PRKAA1: variants seen among roughly 807,000 people sequenced by gnomAD.
The protein encoded by PRKAA1 is protein kinase AMP-activated catalytic subunit alpha 1, also known as 5'-AMP-activated protein kinase catalytic subunit alpha-1.
Under a neutral mutation model 56.9 loss-of-function variants are expected in PRKAA1, and 23 were observed. The ratio of observed to expected loss-of-function variants is 0.40; its 90% CI spans 0.29 to 0.57. The LOEUF is 0.57. Among genes scored for constraint, PRKAA1 ranks in the 20% least tolerant of loss-of-function variants. The pLI is 0.39. For synonymous variants in PRKAA1, 226 were observed against 227.0 expected (o/e 1.00, Z 0.04); for missense variants, 413 against 679.7 (o/e 0.61, Z 4.36).
intron 1 of PRKAA1, among the ~76,000 whole-genome samples, chr5:40,794,005 G>T (rs1409587029): frequency 6.6e-6 from 1 of 152,070 alleles, no homozygotes; most frequent in African/African-American, 2.4e-5. Context: ...GGGAAGTTGA[G>T]GCAGAAGAAT....
intron 1 of PRKAA1, among the ~76,000 whole-genome samples, chr5:40,784,868 G>A (rs999032282): frequency 1.1e-4 from 17 of 152,252 alleles, no homozygotes; most frequent in Admixed American, 1.1e-3. Flanking sequence ...GACTCTTAAA[G>A]TTATGCTTTT....
chr5:40,766,452 T>G (rs1415436690), intron 6 of PRKAA1, among the ~76,000 whole-genome samples: 1 of 152,180 alleles, frequency 6.6e-6, no homozygotes, highest in Non-Finnish European at 1.5e-5. Context: ...TCATCAGAAA[T>G]GGCTCACTCT....
At chr5:40,765,507 A>G (rs1743387106) in intron 6 of PRKAA1, among the ~76,000 whole-genome samples, 1 of 152,178 alleles carries the variant, frequency 6.6e-6, no homozygotes. Flanking sequence ...ACAGCGACAA[A>G]CAATGAAAAG....
intron 1 of PRKAA1, among the ~76,000 whole-genome samples, chr5:40,778,066 C>G (rs773350511): frequency 6.6e-6 from 1 of 151,796 alleles, no homozygotes; most frequent in African/African-American, 2.4e-5. Context: ...AAGAGCAAAA[C>G]TCTGTCTCAA....
At chr5:40,776,176 T>C (rs1020287637) in intron 2 of PRKAA1, among the ~76,000 whole-genome samples, 5 of 152,322 alleles carry the variant, frequency 3.3e-5, no homozygotes, top group Admixed American at 2.6e-4. Context: ...TGAGACCAGG[T>C]TGACAGCAAT....
rs750590564 is a variant in PRKAA1, at chr5:40,770,595, CTTTTTT to C, written c.509-1098_509-1093del. ...ATAGGAAATACAGAAAAAATAAATT[CTTTTTT>C]TTTTTTTTTTTTTTTGAGACCGTGT... On this transcript the variant is annotated intron_variant, in intron 4 of 8. Transcript: ENST00000397128. 3.9e-3 allele frequency among the ~76,000 whole-genome samples: 432 copies of C among 111,874 alleles called. 1 individual carries two copies. The highest frequency in any genetic ancestry group is 0.013 in the African/African-American group (415 of 32,170). The allele number at this position is 111,874 out of a possible 152,430, so 73.4% of individuals were successfully genotyped here.
chr5:40,764,571 G>A lies in PRKAA1; in HGVS notation c.1378C>T (p.Leu460=), dbSNP rs1193269441. The A allele has an allele frequency of 6.2e-7, 1 of 1,613,136 alleles. No individual in the cohort carries two copies. Among genetic ancestry groups the A allele is most frequent in the Non-Finnish European group, 8.5e-7 (1 of 1,179,470 alleles). ...CTACTATCCACTTGGTATAACTGTA[G>A]ACTCATTTTGGAGTAAGTGCTTGTC... The part of the protein sequence containing the change: ...PVTSTYSKMS[L]QLYQVDSRTY... Residue 460 remains leucine (L), a synonymous_variant, in exon 8 of 9, where the codon CTA becomes TTA. Coordinates refer to ENST00000397128, the MANE Select transcript of PRKAA1 (RefSeq NM_006251.6).
chr5:40,775,097 G>T, intron 3 of PRKAA1: 1 of 792,754 alleles, frequency 1.3e-6, no homozygotes, highest in Non-Finnish European at 2.0e-6. Context: ...CAAAGTATTT[G>T]TATACCCTGG....
At position 40,767,454 on chromosome 5, in the gene PRKAA1, CT is replaced by C; in HGVS notation, c.821+11del. 1 of 1,590,736 alleles carries C rather than the reference CT, an allele frequency of 6.3e-7. No individual in the cohort carries two copies. ...ACTATCAGATCTGATAACTTCCAAA[CT>C]GCTTTATTACCTGATATCTTTGATT... On this transcript the variant is annotated intron_variant, in intron 6 of 8. Transcript: ENST00000397128.
At chr5:40,773,607 T>TA (rs1398133308) in intron 3 of PRKAA1, among the ~76,000 whole-genome samples, 3 of 152,136 alleles carry the variant, frequency 2.0e-5, no homozygotes, top group Non-Finnish European at 2.9e-5. Context: ...TGACAATAGA[T>TA]AAACAGTAAT....
Position 40,775,424 on chromosome 5 carries a change from A to C in PRKAA1, c.349T>G (p.Cys117Gly). 1.3e-6 allele frequency: 2 copies of C among 1,597,090 alleles called. No individual in the cohort carries two copies. The highest frequency in any genetic ancestry group is 1.7e-6 in the Non-Finnish European group (2 of 1,164,622). Residue 117 changes from cysteine to glycine, a missense_variant, in exon 3 of 9, where the codon TGT becomes GGT. By Grantham distance (159) the Cys-to-Gly change is radical. Transcript: ENST00000397128. ...GAACAGCTTACCCTTCCATTCTTAC[A>C]GATATAATCAAATAGCTCTCCTCCT... is the stretch of plus-strand genomic sequence containing the variant. ...VSGGELFDYI[C>G]KNGRLDEKES...
At chr5:40,776,056 T>G (rs1281508045) in intron 2 of PRKAA1, among the ~76,000 whole-genome samples, 3 of 152,238 alleles carry the variant, frequency 2.0e-5, no homozygotes, top group African/African-American at 7.2e-5. Context: ...AGCAGTCATG[T>G]GATCTGGCAT....
rs772627284 is a variant in PRKAA1, at chr5:40,765,108, C to T, written c.952G>A (p.Val318Ile). 3.7e-6 allele frequency: 6 copies of T among 1,614,206 alleles called. No homozygotes were observed. Among genetic ancestry groups the T allele is most frequent in the Non-Finnish European group, 5.1e-6 (6 of 1,180,032 alleles). The change falls in exon 7 of 9, where the codon GTT becomes ATT. Residue 318 changes from valine to isoleucine, a missense_variant. Val to Ile is a conservative substitution (Grantham distance 29). Transcript: ENST00000397128. ...CEKFECSEEE[V>I]LSCLYNRNHQ... is the part of the protein sequence containing the mutation. ...TTTCTGTTGTAAAGACAGCTGAGAA[C>T]TTCCTCTTCTGAGCACTCAAACTTT...
intron 1 of PRKAA1, among the ~76,000 whole-genome samples, chr5:40,785,595 A>G (rs1744433977): frequency 6.6e-6 from 1 of 152,104 alleles, no homozygotes; most frequent in Admixed American, 6.6e-5. Flanking sequence ...TTACTCAAAA[A>G]CTAAGAAAGA....
intron 1 of PRKAA1, among the ~76,000 whole-genome samples, chr5:40,793,062 C>A: frequency 1.4e-5 from 2 of 144,480 alleles, no homozygotes; most frequent in African/African-American, 2.6e-5. Flanking sequence ...AGTGGAACTC[C>A]ATCTCAAAAA....
At chr5:40,790,241 T>G (rs1257473677) in intron 1 of PRKAA1, 2 of 152,230 alleles carry the variant, frequency 1.3e-5, no homozygotes, top group Non-Finnish European at 2.9e-5. Flanking sequence ...CCATTAAAAT[T>G]AACAAGTTAA....
chr5:40,778,832 G>A (rs542383073), intron 1 of PRKAA1, among the ~76,000 whole-genome samples: 2 of 143,126 alleles, frequency 1.4e-5, no homozygotes, highest in Non-Finnish European at 3.0e-5. Flanking sequence ...TATCACCCAG[G>A]GTGGAGTGCC....
At position 40,775,015 on chromosome 5, in the gene PRKAA1, G is replaced by A. The variant is rs540836346; in HGVS notation, c.363+395C>T. On this transcript the variant is annotated intron_variant, in intron 3 of 8. Coordinates refer to ENST00000397128, the MANE Select transcript of PRKAA1 (RefSeq NM_006251.6). ...ATGCAATTTAAATGTGGCTAGAATT[G>A]ACTAGCAAGGCCTAGATCTTTAAGT... is the stretch of plus-strand genomic sequence containing the variant. 6.1e-4 allele frequency: 828 copies of A among 1,365,880 alleles called. 10 individuals carry two copies. In the South Asian group the frequency reaches 9.3e-3, roughly 15 times the overall value. 84.6% of individuals were successfully genotyped at this position (1,365,880 alleles called of 1,614,324 possible).
At chr5:40,780,307 AG>A (rs1361765084) in intron 1 of PRKAA1, among the ~76,000 whole-genome samples, 3 of 152,114 alleles carry the variant, frequency 2.0e-5, no homozygotes, top group Non-Finnish European at 4.4e-5. Flanking sequence ...CCTTTTTGCA[AG>A]GGAACAATTT....
Sources: gnomAD v4.1 joint callset for allele counts (sites outside exome capture counted in the v4.1 genomes callset) on GRCh38, gnomAD v4.1.1 for gene constraint, MANE v1.5 for transcripts, NCBI Gene and HGNC (gene_info 2026-07-23, HGNC 2026-07-21) for gene names.